ARHGEF15: variants seen among roughly 807,000 people sequenced by gnomAD.
ARHGEF15 encodes the protein Rho guanine nucleotide exchange factor (GEF) 15.
In ARHGEF15, 58 loss-of-function variants were observed where a neutral mutation model predicts 79.7. The observed-to-expected ratio is 0.73, with a 90% CI of 0.59 to 0.91. The LOEUF (loss-of-function observed/expected upper bound fraction) is 0.91. ARHGEF15 is among the 40% of genes least tolerant of loss of function. The pLI, the probability that ARHGEF15 is intolerant of heterozygous loss-of-function variation, is 0.00. For synonymous variants in ARHGEF15, 442 were observed against 456.0 expected, an observed-to-expected ratio of 0.97 and a Z score of 0.39; for missense variants, 1,012 against 1,108.1, an observed-to-expected ratio of 0.91 and a Z score of 1.23.
rs767643392 is a variant in ARHGEF15 at position 8,315,046 on chromosome 17, G to A, written c.1049-20G>A. 7 of 1,613,390 alleles carry A rather than the reference G, an allele frequency of 4.3e-6. No individual in the cohort carries two copies. The Admixed American group carries it at 1.0e-4, about 23-fold the overall frequency. ...TTTGGGAGCCCTGGGCTTCCCTGAA[G>A]TGCTATGTTTGCCCTCTAGAACCTC... On this transcript the variant is annotated intron_variant, in intron 5 of 15. Coordinates refer to ENST00000361926, the MANE Select transcript of ARHGEF15 (RefSeq NM_173728.4). The surrounding 1 kb of genome is among the most constrained non-coding windows in gnomAD (Gnocchi z 4.3).
chr17:8,318,503 G>A lies in ARHGEF15; in HGVS notation c.1779+42G>A, dbSNP rs768760198. The A allele has an allele frequency of 6.2e-7, 1 of 1,613,566 alleles. No individual in the cohort carries two copies. Among genetic ancestry groups the A allele is most frequent in the South Asian group, 1.1e-5 (1 of 91,002 alleles). ...CTGAAGCAGGGGGAGGTGACAAGGT[G>A]GTAGAGAGAAATGGTAGGGAGCAGG... On this transcript the variant is annotated intron_variant, in intron 10 of 15. Coordinates refer to ENST00000361926, the MANE Select transcript of ARHGEF15 (RefSeq NM_173728.4). This position sits in a 1 kb window ranked among gnomAD's most constrained non-coding sequence, Gnocchi z 5.0.
At chr17:8,312,801 G>C (rs1904735195) in intron 2 of ARHGEF15, 121 bp from the exon 3 acceptor site, 6 of 1,555,648 alleles carry the variant, frequency 3.9e-6, no homozygotes, top group Non-Finnish European at 5.3e-6. Context: ...GGGTGGAGGA[G>C]ATCTATAGAT....
intron 1 of ARHGEF15, among the ~76,000 whole-genome samples, chr17:8,311,356 C>T (rs1449453456): frequency 6.6e-6 from 1 of 152,078 alleles, no homozygotes; most frequent in South Asian, 2.1e-4. Context: ...GTGACCAGAC[C>T]CTAGGGCAGG....
rs1409378204 is a variant in ARHGEF15, at chr17:8,312,452, T to TGCAG, written c.414_415insCAGG (p.Ala139GlnfsTer21). The TGCAG allele has an allele frequency of 2.5e-6, 4 of 1,613,826 alleles. No homozygotes were observed. The South Asian group carries it at 4.4e-5, about 18-fold the overall frequency. ...CCTCTGCTCCCCATGGCTGGAGTCC[T>TGCAG]GGCTCAGAATGGCTCTGCCTCAGCT... On this transcript the variant is annotated frameshift_variant, in exon 2 of 16. Coordinates refer to ENST00000361926, the MANE Select transcript of ARHGEF15 (RefSeq NM_173728.4). LOFTEE classifies it high-confidence loss of function.
chr17:8,319,790 C>T (rs1368624281), intron 15 of ARHGEF15, among the ~76,000 whole-genome samples, 187 bp downstream of exon 15: 1 of 152,062 alleles, frequency 6.6e-6, no homozygotes, highest in Non-Finnish European at 1.5e-5. Context: ...TGCCCACCAC[C>T]ACGTCTGGCT....
At chr17:8,311,889 C>T (rs1184071302) in intron 1 of ARHGEF15, 102 bp from the exon 2 acceptor site, 5 of 718,820 alleles carry the variant, frequency 7.0e-6, no homozygotes, top group Non-Finnish European at 8.9e-6. Flanking sequence ...AACCCCCACA[C>T]CAGCCTTCCC....
In ARHGEF15 at chr17:8,316,043, C is replaced by G. The variant is rs748495429; in HGVS notation, c.1599C>G (p.Ala533=). Reference sequence around the variant, plus strand: ...GGGACACCAACGTGCGCTTCTCCGCCGAGCTGCGCCGGCTGCAGAGCCTCC... The same window carrying G: ...GGGACACCAACGTGCGCTTCTCCGCGGAGCTGCGCCGGCTGCAGAGCCTCC... ...RLMDTNVRFS[A]ELRRLQSLPK... Residue 533 remains alanine, a synonymous_variant, in exon 9 of 16, where the codon GCC becomes GCG. Transcript: ENST00000361926. 6.2e-6 allele frequency: 10 copies of G among 1,603,068 alleles called. No homozygotes were observed. Among genetic ancestry groups the G allele is most frequent in the South Asian group, 5.5e-5 (5 of 90,984 alleles).
chr17:8,310,773 G>T (rs139468159), intron 1 of ARHGEF15: 28 of 152,640 alleles, frequency 1.8e-4, no homozygotes, highest in South Asian at 6.2e-4. Flanking sequence ...CGTGAGGGGG[G>T]GGTGTCCGGT....
rs957740635 is a variant in ARHGEF15, at chr17:8,312,866, G to A, written c.602-56G>A. ...CAGGTTAAAGATGGAGATGGTCTGG[G>A]CGGGGGTGGAGCTGGGCCCCAAGGG... On this transcript the variant is annotated intron_variant, in intron 2 of 15. Transcript: ENST00000361926. The A allele has an allele frequency of 6.4e-6, 10 of 1,567,842 alleles. No homozygotes were observed. In the Admixed American group the frequency reaches 1.7e-4, roughly 27 times the overall value.
At chr17:8,317,865 A>C (rs1013568579) in intron 9 of ARHGEF15, among the ~76,000 whole-genome samples, 5 of 152,084 alleles carry the variant, frequency 3.3e-5, no homozygotes, top group Non-Finnish European at 7.4e-5. Context: ...TCAGGAGTTC[A>C]AGACCAGCCT....
Sources: gnomAD v4.1 joint callset for allele counts (sites outside exome capture counted in the v4.1 genomes callset) on GRCh38, gnomAD v4.1.1 for gene constraint, Gnocchi (gnomAD v3.1) non-coding constraint, MANE v1.5 for transcripts, NCBI Gene and HGNC (gene_info 2026-07-23, HGNC 2026-07-21) for gene names.